PSMC3: variants seen among roughly 807,000 people sequenced by gnomAD.
PSMC3 encodes proteasome 26S subunit, ATPase 3.
A neutral mutation model predicts 52.0 loss-of-function variants in PSMC3; 11 were observed. The ratio of observed to expected loss-of-function variants is 0.21; its 90% CI spans 0.13 to 0.35. The LOEUF (loss-of-function observed/expected upper bound fraction) is 0.35, where lower values mean the gene tolerates loss of function less well. PSMC3 is among the 10% of genes least tolerant of loss of function. The probability of loss-of-function intolerance (pLI) is 1.00; values close to 1 mark genes in which losing one functional copy is unlikely to be tolerated. For synonymous variants in PSMC3, 201 were observed against 218.8 expected (o/e 0.92, Z 0.72); for missense variants, 238 against 567.1 (o/e 0.42, Z 5.89).
At position 47,424,265 on chromosome 11, in the gene PSMC3, G is replaced by T; in HGVS notation, c.454-82C>A. On this transcript the variant is annotated intron_variant, in intron 5 of 11. Transcript: ENST00000298852. This position sits in a 1 kb window ranked among gnomAD's most constrained non-coding sequence, Gnocchi z 4.8. Reference sequence around the variant, plus strand: ...ACTGGGTGACAGGTGTCTGCAGAGGGAAAGACACAGGACTGGGCAATACAA... The same window carrying T: ...ACTGGGTGACAGGTGTCTGCAGAGGTAAAGACACAGGACTGGGCAATACAA... 1 of 1,589,824 alleles carries T rather than the reference G, an allele frequency of 6.3e-7. No homozygotes were observed. Among genetic ancestry groups the T allele is most frequent in the Non-Finnish European group, 8.6e-7 (1 of 1,158,208 alleles).
rs1395397766 is a variant in PSMC3, at chr11:47,424,597, C to T, written c.390+10G>A. The T allele has an allele frequency of 2.3e-5, 37 of 1,610,866 alleles. No individual in the cohort carries two copies. Among genetic ancestry groups the T allele is most frequent in the Non-Finnish European group, 3.1e-5 (36 of 1,177,152 alleles). On this transcript the variant is annotated intron_variant, in intron 4 of 11. Transcript: ENST00000298852. This position sits in a 1 kb window ranked among gnomAD's most constrained non-coding sequence, Gnocchi z 4.8. ...CCTCCTCCAGTCTCTCATTGCTGAG[C>T]CACGCTCACCTGTCGTGTAGAGGTT...
At chr11:47,425,643 C>A in intron 2 of PSMC3, 1 of 554,836 alleles carries the variant, frequency 1.8e-6, no homozygotes, top group Non-Finnish European at 3.2e-6. Context: ...CTGGGAAAGG[C>A]AATCTGATAA....
chr11:47,425,211 C>T lies in PSMC3; in HGVS notation c.195G>A (p.Glu65=), dbSNP rs1227897513. 1 of 1,613,976 alleles carries T rather than the reference C, an allele frequency of 6.2e-7. No individual in the cohort carries two copies. The highest frequency in any genetic ancestry group is 1.3e-5 in the African/African-American group (1 of 74,890). The part of the protein sequence containing the change: ...MKSEVLRVTH[E]LQAMKDKIKE... ...TTATCTTGTCCTTCATGGCTTGGAGCTCATGGGTGACTCTCAACACTTCAC... is the reference window on the plus strand; with the variant it reads ...TTATCTTGTCCTTCATGGCTTGGAGTTCATGGGTGACTCTCAACACTTCAC... The change falls in exon 3 of 12, where the codon GAG becomes GAA. Residue 65 remains glutamate, a synonymous_variant. Transcript: ENST00000298852.
rs1273078155 is a variant in PSMC3 at position 47,422,746 on chromosome 11, C to T, written c.736-24G>A. 2 of 1,613,900 alleles carry T rather than the reference C, an allele frequency of 1.2e-6. No homozygotes were observed. The highest frequency in any genetic ancestry group is 1.7e-6 in the Non-Finnish European group (2 of 1,179,870). ...GCCTGGCAGGAAAAGGTGGTAGAGT[C>T]AGGTCAAAGGCAGACCCTTTGAGCC... On this transcript the variant is annotated intron_variant, in intron 7 of 11. Coordinates refer to ENST00000298852, the MANE Select transcript of PSMC3 (RefSeq NM_002804.5). The surrounding 1 kb of genome is among the most constrained non-coding windows in gnomAD (Gnocchi z 4.3).
intron 2 of PSMC3, chr11:47,425,586 C>G (rs1360143253): frequency 1.9e-6 from 1 of 532,542 alleles, no homozygotes; most frequent in East Asian, 3.0e-5. Flanking sequence ...GTAAAATAGG[C>G]ATTTTACTAA....
Position 47,426,187 on chromosome 11 carries a change from A to C in PSMC3, c.75+18T>G. 1 of 1,552,984 alleles carries C rather than the reference A, an allele frequency of 6.4e-7. No homozygotes were observed. Among genetic ancestry groups the C allele is most frequent in the Non-Finnish European group, 8.7e-7 (1 of 1,148,500 alleles). On this transcript the variant is annotated intron_variant, in intron 1 of 11. Transcript: ENST00000298852. ...TGCGGGCCCCGGTTCCCGGACCGCC[A>C]GCTCGCCCGGTGCCCACCTCGGCCT...
intron 2 of PSMC3, 200 bp downstream of exon 2, chr11:47,425,667 C>T (rs1459700925): frequency 5.3e-6 from 3 of 571,202 alleles, no homozygotes; most frequent in East Asian, 5.8e-5. Flanking sequence ...CTCATCTCAG[C>T]CCAGGCCTCC....
At chr11:47,419,985 G>A (rs2096038435) in intron 10 of PSMC3, among the ~76,000 whole-genome samples, 1 of 152,132 alleles carries the variant, frequency 6.6e-6, no homozygotes, top group Non-Finnish European at 1.5e-5. Flanking sequence ...GGGCTGAGGT[G>A]TGAGGCCAGG....
chr11:47,426,425 C>T lies in PSMC3; in HGVS notation c.-146G>A, dbSNP rs1468817484. ...GACCCGACCAGCTCCGGCCGTGCTGCGGAGCAGCGAATCTGCCTCTCCGAT... is the reference window on the plus strand; with the variant it reads ...GACCCGACCAGCTCCGGCCGTGCTGTGGAGCAGCGAATCTGCCTCTCCGAT... On this transcript the variant is annotated 5_prime_UTR_variant, in exon 1 of 12. Transcript: ENST00000298852. The T allele has an allele frequency of 1.2e-5, 8 of 656,418 alleles. No homozygotes were observed. The highest frequency in any genetic ancestry group is 1.9e-5 in the Non-Finnish European group (8 of 420,540). 40.7% of individuals were successfully genotyped at this position (656,418 alleles called of 1,614,324 possible). A position where few individuals can be genotyped will look rare whatever the true frequency, so the allele number is the denominator to read the frequency against.
At position 47,424,413 on chromosome 11, in the gene PSMC3, C is replaced by T. The variant is rs371073486; in HGVS notation, c.453+16G>A. On this transcript the variant is annotated intron_variant, in intron 5 of 11. Transcript: ENST00000298852. This position sits in a 1 kb window ranked among gnomAD's most constrained non-coding sequence, Gnocchi z 4.8. ...AGTCACCAGAAAAGCACTGCCTGGG[C>T]TCAGGCCCCACTCACCACCAGGTCT... 1.9e-6 allele frequency: 3 copies of T among 1,613,572 alleles called. No individual in the cohort carries two copies. Among genetic ancestry groups the T allele is most frequent in the Non-Finnish European group, 2.5e-6 (3 of 1,179,574 alleles).
At chr11:47,423,419 G>A (rs1291883381) in intron 6 of PSMC3, among the ~76,000 whole-genome samples, 4 of 150,244 alleles carry the variant, frequency 2.7e-5, no homozygotes, top group African/African-American at 4.9e-5. Flanking sequence ...AAAAAAAAAA[G>A]AGGACACAGA....
In PSMC3 at chr11:47,418,808, C is replaced by T. The variant is rs751751941; in HGVS notation, c.*27G>A. ...ACCATCTTTTATTGCGCACTTCAGC[C>T]GTGAGACTGGGGCTGGCCTGTGTGC... On this transcript the variant is annotated 3_prime_UTR_variant, in exon 12 of 12. Transcript: ENST00000298852. The T allele has an allele frequency of 2.3e-5, 36 of 1,591,782 alleles. No individual in the cohort carries two copies. Among genetic ancestry groups the T allele is most frequent in the Middle Eastern group, 3.3e-4 (2 of 6,010 alleles).
chr11:47,426,426 G>A lies in PSMC3; in HGVS notation c.-147C>T, dbSNP rs1176893274. The A allele has an allele frequency of 7.7e-6, 5 of 653,454 alleles. No individual in the cohort carries two copies. Among genetic ancestry groups the A allele is most frequent in the African/African-American group, 1.9e-5 (1 of 52,752 alleles). The allele number at this position is 653,454 out of a possible 1,614,324, so 40.5% of individuals were successfully genotyped here. Reference sequence around the variant, plus strand: ...ACCCGACCAGCTCCGGCCGTGCTGCGGAGCAGCGAATCTGCCTCTCCGATT... The same window carrying A: ...ACCCGACCAGCTCCGGCCGTGCTGCAGAGCAGCGAATCTGCCTCTCCGATT... On this transcript the variant is annotated 5_prime_UTR_variant, in exon 1 of 12. Coordinates refer to ENST00000298852, the MANE Select transcript of PSMC3 (RefSeq NM_002804.5).
rs143628159 is a variant in PSMC3 at position 47,422,455 on chromosome 11, C to T, written c.884+119G>A. The T allele has an allele frequency of 4.5e-5, 56 of 1,257,320 alleles. No individual in the cohort carries two copies. In the African/African-American group the frequency reaches 7.7e-4, roughly 17 times the overall value. The allele number at this position is 1,257,320 out of a possible 1,614,324, so 77.9% of individuals were successfully genotyped here. The stretch of plus-strand genomic sequence containing the variant: ...TGGAATCTCAAGAGTTGAGGAGCCA[C>T]CATCCAGGGGCAGGAGGGGATACAG... On this transcript the variant is annotated intron_variant, in intron 8 of 11. Transcript: ENST00000298852. The surrounding 1 kb of genome is among the most constrained non-coding windows in gnomAD (Gnocchi z 4.3).
chr11:47,423,227 G>A (rs1209542402), intron 6 of PSMC3, among the ~76,000 whole-genome samples: 1 of 151,846 alleles, frequency 6.6e-6, no homozygotes. Flanking sequence ...GTGAAACTCC[G>A]TCTCTACTAA....
chr11:47,425,131 T>C lies in PSMC3; in HGVS notation c.275A>G (p.Asn92Ser). The C allele has an allele frequency of 3.7e-6, 6 of 1,614,168 alleles. No homozygotes were observed. The highest frequency in any genetic ancestry group is 2.2e-5 in the East Asian group (1 of 44,892). Reference sequence around the variant, plus strand: ...CACATACACACACACCTCGATGACGTTGGAGACAAGGTACGGCAGGGTCTT... The same window carrying C: ...CACATACACACACACCTCGATGACGCTGGAGACAAGGTACGGCAGGGTCTT... ...VNKTLPYLVS[N>S]VIELLDVDPN... Residue 92 changes from asparagine to serine, a missense_variant, in exon 3 of 12, where the codon AAC becomes AGC. Physicochemically the swap from Asn to Ser is conservative, Grantham distance 46. Transcript: ENST00000298852.
chr11:47,420,859 C>T (rs527303022), intron 8 of PSMC3, 132 bp from the exon 9 acceptor site: 28 of 689,186 alleles, frequency 4.1e-5, no homozygotes, highest in South Asian at 3.7e-4. Context: ...GGGCCCCCAG[C>T]CCAGGGACTG....
At chr11:47,420,567 TG>T in intron 9 of PSMC3, 63 bp downstream of exon 9, 1 of 1,519,926 alleles carries the variant, frequency 6.6e-7, no homozygotes, top group Non-Finnish European at 8.9e-7. Context: ...ACTGGCTAGC[TG>T]GGGGCCTGAC....
rs866216425 is a variant in PSMC3 at position 47,426,223 on chromosome 11, G to C, written c.57C>G (p.Thr19=). 3.2e-6 allele frequency: 5 copies of C among 1,560,348 alleles called. No individual in the cohort carries two copies. The highest frequency in any genetic ancestry group is 1.9e-5 in the Admixed American group (1 of 51,898). The change falls in exon 1 of 12, where the codon ACC becomes ACG. Residue 19 remains threonine (T), a synonymous_variant. Transcript: ENST00000298852. The stretch of plus-strand genomic sequence containing the variant: ...TGCCCACCTCGGCCTCATCCCACAC[G>C]GTCGCCATCTTCTCCTGCCGAGTCA... ...SPVTRQEKMA[T]VWDEAEQDGI... is the part of the protein sequence containing the mutation.
Sources: allele counts gnomAD v4.1 joint callset (sites outside exome capture counted in the v4.1 genomes callset), GRCh38; gene constraint gnomAD v4.1.1; non-coding constraint Gnocchi (gnomAD v3.1); transcripts MANE v1.5; gene names NCBI Gene and HGNC (gene_info 2026-07-23, HGNC 2026-07-21).